The following CDH12 variants were observed in gnomAD, a reference collection of about 807,000 sequenced individuals.
The protein encoded by CDH12 is cadherin 12, also known as cadherin-12.
A neutral mutation model predicts 74.1 loss-of-function variants in CDH12; 41 were observed. That is an observed-to-expected ratio of 0.55 (90% CI 0.43 to 0.72). CDH12 has a LOEUF of 0.72. Ranked by LOEUF, CDH12 falls within the 30% of genes least tolerant of loss-of-function variation. The probability of loss-of-function intolerance (pLI) is 0.00; values close to 1 mark genes in which losing one functional copy is unlikely to be tolerated. For missense variants in CDH12, 945 were observed against 977.2 expected (o/e 0.97, Z 0.44); for synonymous variants, 399 against 355.0 (o/e 1.12, Z -1.39).
intron 2 of CDH12, among the ~76,000 whole-genome samples, chr5:22,494,766 G>C (rs1025878001): frequency 6.6e-6 from 1 of 152,158 alleles, no homozygotes; most frequent in African/African-American, 2.4e-5. Flanking sequence ...ATCCCATGAA[G>C]AGCCTGTGAG....
rs1561168560 is a variant in CDH12 at position 22,153,889 on chromosome 5, A to ATATATATGTATATAT, written c.-187+58608_-187+58609insATATATACATATATA. Among the ~76,000 whole-genome samples, 4 of 42,070 alleles carry ATATATATGTATATAT rather than the reference A, an allele frequency of 9.5e-5. No homozygotes were observed. In the South Asian group the frequency reaches 2.1e-3, roughly 22 times the overall value. 27.6% of individuals were successfully genotyped at this position (42,070 alleles called of 152,430 possible). ...ATATATATGTATATATATATATATA[A>ATATATATGTATATAT]ATATATATATATATACACACACATA... On this transcript the variant is annotated intron_variant, in intron 4 of 14. Transcript: ENST00000382254.
intron 1 of CDH12, among the ~76,000 whole-genome samples, chr5:22,595,951 T>TA (rs1035542644): frequency 6.7e-6 from 1 of 149,118 alleles, no homozygotes. Context: ...TAAAAAAAAT[T>TA]AAAAAAATTA....
chr5:22,203,467 TACC>T (rs1751033356), intron 4 of CDH12, among the ~76,000 whole-genome samples: 1 of 152,206 alleles, frequency 6.6e-6, no homozygotes, highest in South Asian at 2.1e-4. Context: ...TGTGTATATA[TACC>T]ACATTTTCCT....
At chr5:22,189,366 T>C (rs1054303179) in intron 4 of CDH12, among the ~76,000 whole-genome samples, 87 of 152,284 alleles carry the variant, frequency 5.7e-4, no homozygotes, top group African/African-American at 2.1e-3. Flanking sequence ...GAGAGGTTGA[T>C]AAATATTAAT....
intron 1 of CDH12, among the ~76,000 whole-genome samples, chr5:22,815,715 A>G (rs556625735): frequency 6.8e-6 from 1 of 148,090 alleles, no homozygotes; most frequent in Non-Finnish European, 1.5e-5. Context: ...GTTTGCAGTG[A>G]GCTGAGATCA....
At chr5:22,031,122 C>T (rs1408597840) in intron 5 of CDH12, among the ~76,000 whole-genome samples, 1 of 152,048 alleles carries the variant, frequency 6.6e-6, no homozygotes, top group East Asian at 1.9e-4. Context: ...ATCACAAGCT[C>T]AGGAGTTCGA....
intron 9 of CDH12, among the ~76,000 whole-genome samples, 163 bp from the exon 10 acceptor site, chr5:21,802,583 A>ATTT (rs1488305945): frequency 1.4e-4 from 14 of 97,016 alleles, no homozygotes; most frequent in Non-Finnish European, 1.8e-4. Context: ...AAGGCAAACC[A>ATTT]TTTTTTTTTC....
At chr5:22,775,421 T>A (rs759990360) in intron 1 of CDH12, among the ~76,000 whole-genome samples, 3 of 152,096 alleles carry the variant, frequency 2.0e-5, no homozygotes, top group Admixed American at 6.6e-5. Flanking sequence ...CAGAGAAGCC[T>A]GGGTCTGTCA....
chr5:22,342,806 TTCTTTCTC>T lies in CDH12; in HGVS notation c.-333+62443_-333+62450del, dbSNP rs1334822017. Among the ~76,000 whole-genome samples, 16 of 148,374 alleles carry T rather than the reference TTCTTTCTC, an allele frequency of 1.1e-4. No individual in the cohort carries two copies. The East Asian group carries it at 1.4e-3, about 13-fold the overall frequency. Reference sequence around the variant, plus strand: ...CCTTCCCTCCCTCCCTTCTTTCTCTTTCTTTCTCTCTTTCTCTCTCTGTCTCTCTTTCT... The same window carrying T: ...CCTTCCCTCCCTCCCTTCTTTCTCTTTCTTTCTCTCTCTGTCTCTCTTTCT... On this transcript the variant is annotated intron_variant, in intron 3 of 14. Coordinates refer to ENST00000382254, the MANE Select transcript of CDH12 (RefSeq NM_004061.5).
chr5:22,212,590 C>G lies in CDH12; in HGVS notation c.-279G>C. 4.1e-6 allele frequency: 4 copies of G among 985,752 alleles called. No individual in the cohort carries two copies. The highest frequency in any genetic ancestry group is 4.8e-6 in the Non-Finnish European group (4 of 829,848). The allele number at this position is 985,752 out of a possible 1,614,324, so 61.1% of individuals were successfully genotyped here. Reference sequence around the variant, plus strand: ...GATCGAAGTTTTCAATCAACACCCTCCAAGTAGCTGCATCCTGTGCTCCTT... The same window carrying G: ...GATCGAAGTTTTCAATCAACACCCTGCAAGTAGCTGCATCCTGTGCTCCTT... On this transcript the variant is annotated 5_prime_UTR_variant, in exon 4 of 15. Coordinates refer to ENST00000382254, the MANE Select transcript of CDH12 (RefSeq NM_004061.5).
chr5:22,223,710 G>C (rs1561234867), intron 3 of CDH12, among the ~76,000 whole-genome samples: 1 of 152,002 alleles, frequency 6.6e-6, no homozygotes, highest in Non-Finnish European at 1.5e-5. Context: ...ATATTGGGGA[G>C]CAGATTAAGT....
chr5:21,986,727 A>G (rs1372211618), intron 5 of CDH12, among the ~76,000 whole-genome samples: 1 of 152,166 alleles, frequency 6.6e-6, no homozygotes, highest in African/African-American at 2.4e-5. Flanking sequence ...GATTTAGTCT[A>G]GATTTAAAAA....
chr5:22,267,613 T>C (rs943707430), intron 3 of CDH12, among the ~76,000 whole-genome samples: 2 of 152,138 alleles, frequency 1.3e-5, no homozygotes, highest in African/African-American at 4.8e-5. Context: ...TACAATGTAT[T>C]TGTATCATGC....
At chr5:21,897,171 T>C (rs1753162628) in intron 6 of CDH12, among the ~76,000 whole-genome samples, 1 of 152,180 alleles carries the variant, frequency 6.6e-6, no homozygotes, top group African/African-American at 2.4e-5. Flanking sequence ...CCAGGTATTG[T>C]CATTTTCAAA....
At chr5:22,121,892 A>C (rs1400467926) in intron 4 of CDH12, among the ~76,000 whole-genome samples, 2 of 152,132 alleles carry the variant, frequency 1.3e-5, no homozygotes, top group Non-Finnish European at 2.9e-5. Context: ...AACTTAAAAC[A>C]TCATAGATTA....
chr5:22,670,821 G>A (rs1038589), intron 1 of CDH12, among the ~76,000 whole-genome samples: 77,786 of 151,700 alleles, frequency 0.51, 20,633 homozygotes, highest in Non-Finnish European at 0.57. Context: ...ATTAGGTGTC[G>A]TTCAAAATGA....
intron 3 of CDH12, among the ~76,000 whole-genome samples, chr5:22,330,392 A>C (rs568475447): frequency 1.3e-5 from 2 of 152,186 alleles, no homozygotes; most frequent in South Asian, 4.2e-4. Flanking sequence ...TATGAGATGC[A>C]CTGGCTTCAG....
intron 6 of CDH12, among the ~76,000 whole-genome samples, chr5:21,866,882 T>C (rs1442512860): frequency 6.6e-6 from 1 of 151,826 alleles, no homozygotes; most frequent in Admixed American, 6.6e-5. Context: ...GGAAAAAAAA[T>C]GGTTTTGTGG....
chr5:22,748,930 A>G (rs540822474), intron 1 of CDH12, among the ~76,000 whole-genome samples: 41 of 152,276 alleles, frequency 2.7e-4, no homozygotes, highest in Non-Finnish European at 5.0e-4. Context: ...GAGTCACAAT[A>G]CCTGTCCTTG....
Sources: gnomAD v4.1 joint callset for allele counts (sites outside exome capture counted in the v4.1 genomes callset) on GRCh38, gnomAD v4.1.1 for gene constraint, MANE v1.5 for transcripts, NCBI Gene and HGNC (gene_info 2026-07-23, HGNC 2026-07-21) for gene names.